The following PCDH9 variants were observed in gnomAD, a reference collection of about 807,000 sequenced individuals.
PCDH9 encodes protocadherin 9.
A neutral mutation model predicts 70.6 loss-of-function variants in PCDH9; 24 were observed. The observed-to-expected ratio is 0.34, with a 90% CI of 0.25 to 0.48. The LOEUF (loss-of-function observed/expected upper bound fraction) is 0.48. Among genes scored for constraint, PCDH9 ranks in the 20% least tolerant of loss-of-function variants. The pLI is 0.99. For synonymous variants in PCDH9, 562 were observed against 558.5 expected (o/e 1.01, Z -0.09); for missense variants, 1,281 against 1,503.6 (o/e 0.85, Z 2.45).
chr13:67,024,975 T>A (rs867047600), intron 2 of PCDH9, among the ~76,000 whole-genome samples: 1 of 152,118 alleles, frequency 6.6e-6, no homozygotes, highest in Admixed American at 6.6e-5. Flanking sequence ...AATATGTATG[T>A]CACAAGTATA....
intron 2 of PCDH9, among the ~76,000 whole-genome samples, chr13:67,157,353 T>A (rs1323178021): frequency 6.6e-6 from 1 of 152,244 alleles, no homozygotes; most frequent in African/African-American, 2.4e-5. Flanking sequence ...TATATTCATT[T>A]GTTAAAATTT....
intron 3 of PCDH9, among the ~76,000 whole-genome samples, chr13:66,865,340 G>T (rs2081555019): frequency 6.6e-6 from 1 of 152,016 alleles, no homozygotes; most frequent in Non-Finnish European, 1.5e-5. Flanking sequence ...TCAATTCCAG[G>T]ATGTTGTATT....
chr13:66,422,038 A>G (rs1172475725), intron 4 of PCDH9, among the ~76,000 whole-genome samples: 1 of 152,192 alleles, frequency 6.6e-6, no homozygotes, highest in Non-Finnish European at 1.5e-5. Flanking sequence ...GAGACTTTAA[A>G]CCAACAACGG....
intron 2 of PCDH9, among the ~76,000 whole-genome samples, chr13:66,986,960 G>T (rs2083904194): frequency 6.6e-6 from 1 of 151,860 alleles, no homozygotes; most frequent in Admixed American, 6.6e-5. Context: ...TCCAGATGAT[G>T]TTTATGATAT....
chr13:66,555,726 A>C (rs1961707971), intron 4 of PCDH9, among the ~76,000 whole-genome samples: 1 of 151,756 alleles, frequency 6.6e-6, no homozygotes, highest in Non-Finnish European at 1.5e-5. Flanking sequence ...TATCTTCAGC[A>C]TTAGCTACTA....
intron 3 of PCDH9, among the ~76,000 whole-genome samples, chr13:66,897,125 G>A (rs1248897873): frequency 2.0e-5 from 3 of 151,902 alleles, no homozygotes; most frequent in Non-Finnish European, 2.9e-5. Context: ...GAAACACAAA[G>A]AACCATGTTT....
At chr13:66,705,754 C>T (rs1009458611) in intron 3 of PCDH9, among the ~76,000 whole-genome samples, 9 of 151,902 alleles carry the variant, frequency 5.9e-5, no homozygotes, top group African/African-American at 1.9e-4. Flanking sequence ...AATGTATCAC[C>T]AAAATAACTG....
chr13:67,061,618 A>G (rs544618848), intron 2 of PCDH9, among the ~76,000 whole-genome samples: 1 of 152,190 alleles, frequency 6.6e-6, no homozygotes, highest in South Asian at 2.1e-4. Context: ...TCTTTAGAAT[A>G]TTTATAATAA....
chr13:67,127,904 T>C (rs1481626637), intron 2 of PCDH9, among the ~76,000 whole-genome samples: 1 of 152,098 alleles, frequency 6.6e-6, no homozygotes, highest in Non-Finnish European at 1.5e-5. Flanking sequence ...TGTTAATGAA[T>C]GGAATGCTTC....
chr13:66,579,039 T>C lies in PCDH9; in HGVS notation c.3340+52171A>G, dbSNP rs141573649. Among the ~76,000 whole-genome samples the C allele has an allele frequency of 2.7e-3, 411 of 152,204 alleles. 2 individuals are homozygous for C. Among genetic ancestry groups the C allele is most frequent in the African/African-American group, 9.3e-3 (386 of 41,558 alleles). Reference sequence around the variant, plus strand: ...TGCTGTATGAGATAAAGAAGACCTATAAATCAACCAGTAAGGACTGGGACC... The same window carrying C: ...TGCTGTATGAGATAAAGAAGACCTACAAATCAACCAGTAAGGACTGGGACC... On this transcript the variant is annotated intron_variant, in intron 4 of 4. Coordinates refer to ENST00000377865, the MANE Select transcript of PCDH9 (RefSeq NM_203487.3).
chr13:66,409,920 G>C (rs1462653504), intron 4 of PCDH9, among the ~76,000 whole-genome samples: 1 of 152,090 alleles, frequency 6.6e-6, no homozygotes, highest in African/African-American at 2.4e-5. Context: ...GTTAAACCTG[G>C]CAATCCTATT....
intron 2 of PCDH9, among the ~76,000 whole-genome samples, chr13:67,174,314 G>GATAGATAGATAC (rs372130505): frequency 4.0e-5 from 6 of 149,468 alleles, no homozygotes; most frequent in African/African-American, 1.5e-4. Context: ...TAGATAGATA[G>GATAGATAGATAC]ATACATACAT....
chr13:67,088,243 A>G (rs577161726), intron 2 of PCDH9, among the ~76,000 whole-genome samples: 2 of 152,018 alleles, frequency 1.3e-5, no homozygotes, highest in South Asian at 4.2e-4. Flanking sequence ...TGCCTCTTGG[A>G]TCTCAAATCA....
intron 3 of PCDH9, among the ~76,000 whole-genome samples, chr13:66,680,386 C>G (rs2078302271): frequency 1.3e-5 from 2 of 151,940 alleles, no homozygotes; most frequent in South Asian, 4.1e-4. Context: ...TCAACTATTT[C>G]TGCAACCTGT....
chr13:66,657,564 A>T, intron 3 of PCDH9, among the ~76,000 whole-genome samples: 1 of 152,154 alleles, frequency 6.6e-6, no homozygotes, highest in East Asian at 1.9e-4. Context: ...AAAAATTCTC[A>T]TTCTCTGTGC....
chr13:66,580,980 A>C (rs1593720454), intron 4 of PCDH9, among the ~76,000 whole-genome samples: 1 of 152,238 alleles, frequency 6.6e-6, no homozygotes, highest in East Asian at 1.9e-4. Flanking sequence ...AGCAACTCTG[A>C]TCTATAGGCT....
chr13:66,576,417 T>C (rs1374632051), intron 4 of PCDH9, among the ~76,000 whole-genome samples: 1 of 152,062 alleles, frequency 6.6e-6, no homozygotes, highest in Non-Finnish European at 1.5e-5. Flanking sequence ...TTATGGCTAT[T>C]ATAGGGCCTC....
rs374120438 is a variant in PCDH9, at chr13:66,401,435, T to C, written c.3341-96407A>G. The stretch of plus-strand genomic sequence containing the variant: ...ATATTTGCTTCCCCTTCCACCATGA[T>C]TGTAAATTTCCTGAGGCCTCCCTAG... On this transcript the variant is annotated intron_variant, in intron 4 of 4. Coordinates refer to ENST00000377865, the MANE Select transcript of PCDH9 (RefSeq NM_203487.3). Among the ~76,000 whole-genome samples the C allele has an allele frequency of 1.4e-4, 21 of 152,214 alleles. No homozygotes were observed. In the East Asian group the frequency reaches 4.1e-3, roughly 29 times the overall value.
At chr13:66,532,107 C>T (rs1243990023) in intron 4 of PCDH9, among the ~76,000 whole-genome samples, 1 of 152,070 alleles carries the variant, frequency 6.6e-6, no homozygotes, top group Non-Finnish European at 1.5e-5. Context: ...CCACCTTTGC[C>T]TCCTAAATAG....
Sources: allele counts gnomAD v4.1 joint callset (sites outside exome capture counted in the v4.1 genomes callset), GRCh38; gene constraint gnomAD v4.1.1; transcripts MANE v1.5; gene names NCBI Gene and HGNC (gene_info 2026-07-23, HGNC 2026-07-21).